PDE11A: variants seen among roughly 807,000 people sequenced by gnomAD.
PDE11A encodes phosphodiesterase 11A, also known as dual 3',5'-cyclic-AMP and -GMP phosphodiesterase 11A.
PDE11A carries 100 observed loss-of-function variants against 100.5 expected under a neutral mutation model. That is an observed-to-expected ratio of 1.00 (90% CI 0.85 to 1.18). PDE11A has a LOEUF of 1.18. Ranked by LOEUF, PDE11A falls within the 50% of genes most tolerant of loss-of-function variation. The pLI, the probability that PDE11A is intolerant of heterozygous loss-of-function variation, is 0.00. For synonymous variants in PDE11A, 381 were observed against 420.8 expected, an observed-to-expected ratio of 0.91 and a Z score of 1.16; for missense variants, 1,141 against 1,152.6, an observed-to-expected ratio of 0.99 and a Z score of 0.15.
chr2:177,836,064 G>A (rs1490436771), intron 6 of PDE11A, among the ~76,000 whole-genome samples: 2 of 152,248 alleles, frequency 1.3e-5, no homozygotes, highest in East Asian at 3.9e-4. Flanking sequence ...TGGGCACACA[G>A]TGCAGGACTG....
intron 1 of PDE11A, among the ~76,000 whole-genome samples, chr2:178,025,986 A>C (rs1261753904): frequency 6.6e-6 from 1 of 152,222 alleles, no homozygotes; most frequent in African/African-American, 2.4e-5. Context: ...AAACAGTCAG[A>C]AAGTAGAGAA....
intron 16 of PDE11A, among the ~76,000 whole-genome samples, chr2:177,677,350 G>A (rs2080791583): frequency 6.6e-6 from 1 of 152,188 alleles, no homozygotes; most frequent in Non-Finnish European, 1.5e-5. Flanking sequence ...GCACAAGGTT[G>A]TACAGTTATT....
At chr2:177,806,067 A>G (rs1574160954) in intron 9 of PDE11A, among the ~76,000 whole-genome samples, 1 of 152,206 alleles carries the variant, frequency 6.6e-6, no homozygotes, top group East Asian at 1.9e-4. Context: ...AATTTTTCAA[A>G]TGATAGTATG....
intron 1 of PDE11A, among the ~76,000 whole-genome samples, chr2:178,031,076 A>T (rs2086540882): frequency 6.6e-6 from 1 of 152,324 alleles, no homozygotes; most frequent in African/African-American, 2.4e-5. Context: ...AAGGTAAAAA[A>T]ATTCATATCT....
intron 2 of PDE11A, among the ~76,000 whole-genome samples, chr2:177,996,076 A>C (rs2086069633): frequency 6.6e-6 from 1 of 152,004 alleles, no homozygotes; most frequent in Admixed American, 6.6e-5. Context: ...AAAATACAAA[A>C]ATCAGCTGGG....
Position 177,817,880 on chromosome 2 carries a change from T to C in PDE11A, c.1622A>G (p.Asp541Gly). The stretch of plus-strand genomic sequence containing the variant: ...TACCTCAAAAAGTCGTTGATCTGCA[T>C]CATCAAAAGGTTTCCCATCAAGTCT... Reference protein sequence around the residue: ...LNRLDGKPFDDADQRLFEAFV... With the variant: ...LNRLDGKPFDGADQRLFEAFV... Residue 541 changes from aspartate to glycine, a missense_variant, in exon 8 of 20, where the codon GAT (aspartate) becomes GGT (glycine). By Grantham distance (94) the Asp-to-Gly change is moderately conservative. Coordinates refer to ENST00000286063, the MANE Select transcript of PDE11A (RefSeq NM_016953.4). 1.3e-6 allele frequency: 2 copies of C among 1,537,584 alleles called. No individual in the cohort carries two copies. The highest frequency in any genetic ancestry group is 1.1e-5 in the South Asian group (1 of 89,490).
chr2:177,883,267 CA>C (rs376882317), intron 4 of PDE11A, among the ~76,000 whole-genome samples: 19,775 of 132,152 alleles, frequency 0.15, 1,353 homozygotes, highest in Middle Eastern at 0.28. Flanking sequence ...GACTCTGTCT[CA>C]AAAAAAAAAA....
Position 177,714,653 on chromosome 2 carries a change from T to C in PDE11A, c.2044-2775A>G, listed in dbSNP as rs571999808. On this transcript the variant is annotated intron_variant, in intron 12 of 19. Transcript: ENST00000286063. ...CACTCCCAATGTGATCCACAGAGCT[T>C]TCCTATATTACCATCCTATAAATAT... Among the ~76,000 whole-genome samples the C allele has an allele frequency of 2.0e-5, 3 of 152,318 alleles. No homozygotes were observed. The South Asian group carries it at 6.2e-4, about 32-fold the overall frequency.
chr2:177,665,166 T>A lies in PDE11A; in HGVS notation c.2563-1217A>T, dbSNP rs147740069. Among the ~76,000 whole-genome samples the A allele has an allele frequency of 1.6e-3, 243 of 152,066 alleles. 3 individuals are homozygous for A. Among genetic ancestry groups the A allele is most frequent in the African/African-American group, 5.7e-3 (235 of 41,456 alleles). ...GGATAGTTCTTGTGAATAATATGAG[T>A]CTTGATCCAAAATGTTTCTTTAGAG... On this transcript the variant is annotated intron_variant, in intron 18 of 19. Transcript: ENST00000286063.
intron 4 of PDE11A, 68 bp from the exon 5 acceptor site, chr2:177,875,991 A>G: frequency 1.1e-6 from 1 of 901,200 alleles, no homozygotes; most frequent in East Asian, 2.5e-5. Context: ...TAATGTAATA[A>G]ACATTTTCAT....
chr2:178,074,642 G>A (rs1003150304), upstream of PDE11A, among the ~76,000 whole-genome samples: 2 of 152,096 alleles, frequency 1.3e-5, no homozygotes, highest in African/African-American at 4.8e-5. Flanking sequence ...CATGTTCCAG[G>A]CTCTGGGGAC....
At chr2:177,726,332 A>G (rs78313734) in intron 12 of PDE11A, among the ~76,000 whole-genome samples, 3,031 of 152,252 alleles carry the variant, frequency 0.02, 43 homozygotes, top group South Asian at 0.033. Flanking sequence ...TGTCAATTCA[A>G]CATACATTTT....
intron 19 of PDE11A, among the ~76,000 whole-genome samples, chr2:177,631,311 CAAAA>C (rs1162577475): frequency 5.2e-5 from 2 of 38,256 alleles, no homozygotes; most frequent in African/African-American, 1.2e-4. Flanking sequence ...AAAAAAAAAA[CAAAA>C]AAAAAAACAA....
intron 6 of PDE11A, among the ~76,000 whole-genome samples, chr2:177,821,606 A>C (rs2083141627): frequency 6.6e-6 from 1 of 151,822 alleles, no homozygotes; most frequent in Non-Finnish European, 1.5e-5. Context: ...GTTCCAGTTG[A>C]TTTATATCAT....
chr2:177,701,249 G>A (rs377073807), intron 13 of PDE11A, 38 bp from the exon 14 acceptor site: 216 of 1,000,100 alleles, frequency 2.2e-4, no homozygotes, highest in Non-Finnish European at 2.3e-4. Flanking sequence ...AGGGCCTATC[G>A]ATGGTTCCCC....
At chr2:177,753,312 A>G (rs1338025027) in intron 10 of PDE11A, among the ~76,000 whole-genome samples, 1 of 152,028 alleles carries the variant, frequency 6.6e-6, no homozygotes, top group East Asian at 1.9e-4. Flanking sequence ...AGCATTCCCT[A>G]GTTGCTTTGA....
In PDE11A at chr2:177,675,767, C is replaced by T. The variant is rs543007948; in HGVS notation, c.2424-249G>A. ...CCCTTTTGTTTTGTCTGCAGCAAAT[C>T]AAGGAAAGCAAAGCACTACTTTCTG... On this transcript the variant is annotated intron_variant, in intron 16 of 19. Coordinates refer to ENST00000286063, the MANE Select transcript of PDE11A (RefSeq NM_016953.4). 7.9e-6 allele frequency: 5 copies of T among 635,518 alleles called. No individual in the cohort carries two copies. The East Asian group carries it at 1.3e-4, about 17-fold the overall frequency. The allele number at this position is 635,518 out of a possible 1,614,324, so 39.4% of individuals were successfully genotyped here.
intron 4 of PDE11A, among the ~76,000 whole-genome samples, chr2:177,887,140 C>T (rs2084447385): frequency 6.6e-6 from 1 of 152,032 alleles, no homozygotes; most frequent in Non-Finnish European, 1.5e-5. Flanking sequence ...GCTGGGCAAA[C>T]TATTAGACAG....
intron 2 of PDE11A, among the ~76,000 whole-genome samples, chr2:178,008,424 A>C (rs535169615): frequency 6.6e-6 from 1 of 152,276 alleles, no homozygotes; most frequent in Non-Finnish European, 1.5e-5. Context: ...TAAAAAAATC[A>C]GTTCTATGCC....
Sources: gnomAD v4.1 joint callset for allele counts (sites outside exome capture counted in the v4.1 genomes callset) on GRCh38, gnomAD v4.1.1 for gene constraint, MANE v1.5 for transcripts, NCBI Gene and HGNC (gene_info 2026-07-23, HGNC 2026-07-21) for gene names.